Variants in LYN observed in about 807,000 individuals in gnomAD.
LYN encodes tyrosine-protein kinase Lyn.
Under a neutral mutation model 65.0 loss-of-function variants are expected in LYN, and 12 were observed. The observed-to-expected ratio is 0.18, with a 90% CI of 0.12 to 0.30. The LOEUF (loss-of-function observed/expected upper bound fraction) is 0.30, where lower values mean the gene tolerates loss of function less well. Ranked by LOEUF, LYN falls within the 10% of genes least tolerant of loss-of-function variation. LYN has a pLI of 1.00. For missense variants in LYN, 380 were observed against 623.2 expected, an observed-to-expected ratio of 0.61 and a Z score of 4.16; for synonymous variants, 222 against 221.2, an observed-to-expected ratio of 1.00 and a Z score of -0.03.
rs181942820 is a variant in LYN at position 55,997,375 on chromosome 8, T to G, written c.1051-971T>G. ...CCATAATAAAATTCCATAGACTGGG[T>G]GGCTTAAACGAGAGACATTTATTTC... On this transcript the variant is annotated intron_variant, in intron 10 of 12. Coordinates refer to ENST00000519728, the MANE Select transcript of LYN (RefSeq NM_002350.4). Among the ~76,000 whole-genome samples the G allele has an allele frequency of 9.3e-4, 141 of 152,316 alleles. 1 individual carries two copies. In the East Asian group the frequency reaches 0.027, roughly 29 times the overall value.
At chr8:55,884,442 C>T (rs1472382126) in intron 1 of LYN, among the ~76,000 whole-genome samples, 1 of 149,904 alleles carries the variant, frequency 6.7e-6, no homozygotes, top group Admixed American at 6.7e-5. Context: ...GTTGGAAGGG[C>T]TCTCTTTATT....
chr8:55,944,942 A>G (rs777595664), intron 2 of LYN, among the ~76,000 whole-genome samples: 6 of 152,222 alleles, frequency 3.9e-5, no homozygotes, highest in Non-Finnish European at 7.3e-5. Context: ...AAGTCTTTCA[A>G]TTCCCTCCTG....
chr8:55,893,117 T>G (rs1805001197), intron 1 of LYN, among the ~76,000 whole-genome samples: 1 of 152,228 alleles, frequency 6.6e-6, no homozygotes, highest in African/African-American at 2.4e-5. Context: ...TGTGTGGAAT[T>G]TACTTGCAAT....
chr8:55,960,428 G>T lies in LYN; in HGVS notation c.791-6287G>T, dbSNP rs530519508. ...AGAAAAAAATAGAAAATTTTGACTT[G>T]GGATCTTTTGCTTGTAGGGACTGAG... On this transcript the variant is annotated intron_variant, in intron 8 of 12. Transcript: ENST00000519728. Among the ~76,000 whole-genome samples the T allele has an allele frequency of 2.6e-5, 4 of 152,260 alleles. No homozygotes were observed. In the South Asian group the frequency reaches 8.3e-4, roughly 32 times the overall value.
chr8:55,963,494 A>G (rs1273180852), intron 8 of LYN, among the ~76,000 whole-genome samples: 1 of 152,156 alleles, frequency 6.6e-6, no homozygotes, highest in Admixed American at 6.5e-5. Flanking sequence ...TCTGCAATTG[A>G]ATTTCAGTGA....
chr8:55,928,131 A>T (rs1806162636), intron 1 of LYN, among the ~76,000 whole-genome samples: 1 of 152,082 alleles, frequency 6.6e-6, no homozygotes, highest in African/African-American at 2.4e-5. Context: ...AGTAGAGTAT[A>T]TCTCATTGTT....
intron 1 of LYN, among the ~76,000 whole-genome samples, chr8:55,919,198 T>C (rs1052980870): frequency 6.6e-6 from 1 of 152,096 alleles, no homozygotes; most frequent in African/African-American, 2.4e-5. Flanking sequence ...TCAGGGCTAA[T>C]TAAAGGAAAT....
At chr8:55,894,474 A>G (rs1805036083) in intron 1 of LYN, among the ~76,000 whole-genome samples, 1 of 150,668 alleles carries the variant, frequency 6.6e-6, no homozygotes, top group South Asian at 2.1e-4. Flanking sequence ...GGCTCCAGGG[A>G]TCCTCCCACC....
chr8:56,013,331 G>C lies in LYN; in HGVS notation c.*3221G>C, dbSNP rs560782059. The C allele has an allele frequency of 6.7e-6, 1 of 149,362 alleles. No individual in the cohort carries two copies. The highest frequency in any genetic ancestry group is 1.5e-5 in the Non-Finnish European group (1 of 67,678). 9.3% of individuals were successfully genotyped at this position (149,362 alleles called of 1,614,324 possible). A position where few individuals can be genotyped will look rare whatever the true frequency, so the allele number is the denominator to read the frequency against. On this transcript the variant is annotated 3_prime_UTR_variant, in exon 13 of 13. Coordinates refer to ENST00000519728, the MANE Select transcript of LYN (RefSeq NM_002350.4). ...ACGCAGGCTAGAGTTGCAGTGGTGC[G>C]ATCTCAGCTCATTGCAACCTCCCCC...
At chr8:56,002,183 C>G (rs568914007) in intron 12 of LYN, among the ~76,000 whole-genome samples, 2,262 of 152,194 alleles carry the variant, frequency 0.015, 57 homozygotes, top group African/African-American at 0.045. Flanking sequence ...TTGGGAGGCC[C>G]ACTTTGTGGG....
At chr8:56,003,612 T>G (rs1316834062) in intron 12 of LYN, among the ~76,000 whole-genome samples, 1 of 151,754 alleles carries the variant, frequency 6.6e-6, no homozygotes, top group Non-Finnish European at 1.5e-5. Context: ...GAGACAGAAG[T>G]TGCAGTGAGC....
At chr8:55,956,549 G>A (rs556210773) in intron 8 of LYN, among the ~76,000 whole-genome samples, 1 of 152,122 alleles carries the variant, frequency 6.6e-6, no homozygotes, top group African/African-American at 2.4e-5. Context: ...ACTCCCTTTT[G>A]TAGTAAATAA....
chr8:55,942,728 T>G (rs1411056383), intron 2 of LYN, among the ~76,000 whole-genome samples: 1 of 146,252 alleles, frequency 6.8e-6, no homozygotes, highest in Admixed American at 7.1e-5. Flanking sequence ...GAGGTTGCAG[T>G]GAGCCAAGAT....
chr8:55,968,519 A>G (rs1807522681), intron 9 of LYN, among the ~76,000 whole-genome samples: 1 of 152,212 alleles, frequency 6.6e-6, no homozygotes, highest in Non-Finnish European at 1.5e-5. Context: ...GGCCTCCCAA[A>G]GTGCTGGAAT....
Position 55,941,883 on chromosome 8 carries a change from G to A in LYN, c.24G>A (p.Gly8=). 10 of 1,613,114 alleles carry A rather than the reference G, an allele frequency of 6.2e-6. No individual in the cohort carries two copies. The highest frequency in any genetic ancestry group is 8.5e-6 in the Non-Finnish European group (10 of 1,179,468). ...ATATGGGATGTATAAAATCAAAAGG[G>A]AAAGACAGCTTGAGTGACGATGGAG... MGCIKSK[G]KDSLSDDGVD... is the part of the protein sequence containing the mutation. Residue 8 remains glycine, a synonymous_variant, in exon 2 of 13, where the codon GGG becomes GGA. Transcript: ENST00000519728.
chr8:55,954,032 G>C, intron 8 of LYN, 48 bp downstream of exon 8: 1 of 1,593,618 alleles, frequency 6.3e-7, no homozygotes, highest in East Asian at 2.2e-5. Context: ...ATGGTGACAG[G>C]AGAAGTAAAG....
Position 55,986,502 on chromosome 8 carries a change from G to A in LYN, c.1051-11844G>A, listed in dbSNP as rs541588998. On this transcript the variant is annotated intron_variant, in intron 10 of 12. Coordinates refer to ENST00000519728, the MANE Select transcript of LYN (RefSeq NM_002350.4). ...TTTCTAAAGAAGGTAATTCTGTTTC[G>A]TGGACACTTAATGATTTAAATATGG... Among the ~76,000 whole-genome samples, 7 of 152,196 alleles carry A rather than the reference G, an allele frequency of 4.6e-5. No individual in the cohort carries two copies. The East Asian group carries it at 7.7e-4, about 17-fold the overall frequency.
chr8:55,944,449 A>C (rs1439254861), intron 2 of LYN, among the ~76,000 whole-genome samples: 2 of 152,186 alleles, frequency 1.3e-5, no homozygotes, highest in Non-Finnish European at 2.9e-5. Context: ...TGTAGGTTTT[A>C]AAACACAAGT....
At chr8:56,007,584 C>T (rs1222855707) in intron 12 of LYN, among the ~76,000 whole-genome samples, 1 of 152,146 alleles carries the variant, frequency 6.6e-6, no homozygotes, top group African/African-American at 2.4e-5. Context: ...TCTTCCACGA[C>T]AGAAATGATC....
Sources: gnomAD v4.1 joint callset for allele counts (sites outside exome capture counted in the v4.1 genomes callset) on GRCh38, gnomAD v4.1.1 for gene constraint, MANE v1.5 for transcripts, NCBI Gene and HGNC (gene_info 2026-07-23, HGNC 2026-07-21) for gene names.